MYPN: variants seen among roughly 807,000 people sequenced by gnomAD.
MYPN encodes the protein myopalladin.
A neutral mutation model predicts 129.4 loss-of-function variants in MYPN; 63 were observed. The observed-to-expected ratio is 0.49, with a 90% CI of 0.40 to 0.60. MYPN has a LOEUF of 0.60. MYPN is among the 20% of genes least tolerant of loss of function. The pLI, the probability that MYPN is intolerant of heterozygous loss-of-function variation, is 0.00. For missense variants in MYPN, 1,596 were observed against 1,635.4 expected, an observed-to-expected ratio of 0.98 and a Z score of 0.42; for synonymous variants, 629 against 600.9, an observed-to-expected ratio of 1.05 and a Z score of -0.68.
At chr10:68,122,640 G>A (rs1237498936) in intron 2 of MYPN, among the ~76,000 whole-genome samples, 1 of 152,124 alleles carries the variant, frequency 6.6e-6, no homozygotes, top group East Asian at 1.9e-4. Context: ...AGTGGCTCAC[G>A]CCTGTAATCT....
chr10:68,176,343 A>G (rs1401940139), intron 12 of MYPN, among the ~76,000 whole-genome samples: 2 of 152,196 alleles, frequency 1.3e-5, no homozygotes, highest in African/African-American at 4.8e-5. Flanking sequence ...GGTTATTTTT[A>G]ATGCAGGTTT....
intron 6 of MYPN, among the ~76,000 whole-genome samples, chr10:68,155,701 A>C (rs1398570207): frequency 6.6e-6 from 1 of 152,200 alleles, no homozygotes; most frequent in Non-Finnish European, 1.5e-5. Flanking sequence ...TGGCAATGTG[A>C]GCCAGCTCTT....
At chr10:68,150,840 G>A (rs530961828) in intron 6 of MYPN, among the ~76,000 whole-genome samples, 14 of 152,238 alleles carry the variant, frequency 9.2e-5, no homozygotes, top group Non-Finnish European at 1.6e-4. Flanking sequence ...GTATTATGAG[G>A]ACCAAATAGG....
chr10:68,205,138 C>T (rs1490804915), intron 18 of MYPN, among the ~76,000 whole-genome samples: 2 of 152,088 alleles, frequency 1.3e-5, no homozygotes, highest in Non-Finnish European at 2.9e-5. Flanking sequence ...CGTCTCAGGT[C>T]TTTATACAGT....
chr10:68,167,039 GA>G (rs1353728176), intron 10 of MYPN, among the ~76,000 whole-genome samples: 7 of 149,656 alleles, frequency 4.7e-5, no homozygotes, highest in Non-Finnish European at 1.0e-4. Flanking sequence ...ACTTGTCCAG[GA>G]AAAAAAAAGA....
In MYPN at chr10:68,199,377, T is replaced by G. The variant is rs755550432; in HGVS notation, c.3295T>G (p.Leu1099Val). Residue 1099 changes from leucine (L) to valine (V), a missense_variant, in exon 17 of 20, where the codon TTA (leucine) becomes GTA (valine). Leu to Val is a conservative substitution (Grantham distance 32). Transcript: ENST00000358913. ...LCRLDCKVSG[L>V]PPPELTWLLN... ...TTCTGTTGTTTATTAGGTGAGTGGTTTACCGCCCCCGGAGCTGACATGGCT... is the reference window on the plus strand; with the variant it reads ...TTCTGTTGTTTATTAGGTGAGTGGTGTACCGCCCCCGGAGCTGACATGGCT... 3.7e-6 allele frequency: 6 copies of G among 1,613,946 alleles called. No individual in the cohort carries two copies. In the East Asian group the frequency reaches 1.3e-4, roughly 36 times the overall value.
At position 68,210,774 on chromosome 10, in the gene MYPN, TAG is replaced by T. The variant is rs2043899843; in HGVS notation, c.*320_*321del. ...TGCTCCCTGTTGTGTTAGGGATGTT[TAG>T]GTCATACTAGGAGCAATTAGGAGCC... On this transcript the variant is annotated 3_prime_UTR_variant, in exon 20 of 20. Transcript: ENST00000358913. 2.1e-6 allele frequency: 1 copy of T among 484,866 alleles called. No individual in the cohort carries two copies. The highest frequency in any genetic ancestry group is 1.9e-5 in the African/African-American group (1 of 51,300). The allele number at this position is 484,866 out of a possible 1,614,324, so 30.0% of individuals were successfully genotyped here. A position where few individuals can be genotyped will look rare whatever the true frequency, so the allele number is the denominator to read the frequency against.
chr10:68,199,230 G>T, intron 16 of MYPN, 138 bp from the exon 17 acceptor site: 2 of 799,660 alleles, frequency 2.5e-6, no homozygotes. Context: ...TTCTCTCGAT[G>T]CCCCTACAGA....
At chr10:68,099,526 A>G (rs1403857014) in intron 1 of MYPN, among the ~76,000 whole-genome samples, 1 of 152,002 alleles carries the variant, frequency 6.6e-6, no homozygotes, top group African/African-American at 2.4e-5. Flanking sequence ...TCCCAGCCTC[A>G]TGTCTCAGGA....
intron 1 of MYPN, among the ~76,000 whole-genome samples, chr10:68,115,773 C>A (rs948177058): frequency 3.3e-5 from 5 of 152,296 alleles, no homozygotes; most frequent in South Asian, 4.1e-4. Context: ...TGGCCTTGAA[C>A]CTTTCTGCCC....
At chr10:68,098,170 T>C (rs571091041) in intron 1 of MYPN, among the ~76,000 whole-genome samples, 1 of 152,164 alleles carries the variant, frequency 6.6e-6, no homozygotes, top group South Asian at 2.1e-4. Context: ...CTCTTGAACC[T>C]GGGAGGCGAA....
At chr10:68,123,022 C>T (rs1031501231) in intron 2 of MYPN, among the ~76,000 whole-genome samples, 11 of 151,684 alleles carry the variant, frequency 7.3e-5, no homozygotes, top group Middle Eastern at 3.2e-3. Flanking sequence ...TGAAACTCGG[C>T]GTGAATTCTA....
chr10:68,129,275 T>C lies in MYPN; in HGVS notation c.902+6935T>C, dbSNP rs141796507. 1.9e-3 allele frequency among the ~76,000 whole-genome samples: 290 copies of C among 152,346 alleles called. 6 individuals carry two copies. In the East Asian group the frequency reaches 0.029, roughly 15 times the overall value. The stretch of plus-strand genomic sequence containing the variant: ...TACATTGTTCTAGTCTCTCTATGTA[T>C]GTTTGAAGGTTTTCATAATGAAAAT... On this transcript the variant is annotated intron_variant, in intron 2 of 19. Coordinates refer to ENST00000358913, the MANE Select transcript of MYPN (RefSeq NM_032578.4).
At chr10:68,201,374 T>C (rs565651719) in intron 17 of MYPN, among the ~76,000 whole-genome samples, 8 of 152,330 alleles carry the variant, frequency 5.3e-5, no homozygotes, top group Non-Finnish European at 8.8e-5. Context: ...AGGAGTGTTC[T>C]GACCAGGAGG....
intron 18 of MYPN, among the ~76,000 whole-genome samples, chr10:68,205,728 C>T (rs1237543840): frequency 6.6e-6 from 1 of 151,942 alleles, no homozygotes; most frequent in Non-Finnish European, 1.5e-5. Context: ...ATCTTTACAC[C>T]CTCAGCACCC....
chr10:68,161,782 G>A, intron 8 of MYPN, 30 bp downstream of exon 8: 2 of 1,535,494 alleles, frequency 1.3e-6, no homozygotes, highest in South Asian at 1.1e-5. Context: ...TAATTTATTA[G>A]TATATGAGTG....
At chr10:68,182,843 C>T (rs2043360448) in intron 12 of MYPN, among the ~76,000 whole-genome samples, 1 of 152,102 alleles carries the variant, frequency 6.6e-6, no homozygotes. Context: ...ATTGAGTTCT[C>T]TGTTTTCATG....
Position 68,135,456 on chromosome 10 carries a change from C to T in MYPN, c.903-7484C>T, listed in dbSNP as rs1338829603. 6.1e-6 allele frequency: 6 copies of T among 979,916 alleles called. No individual in the cohort carries two copies. The African/African-American group carries it at 1.1e-4, about 17-fold the overall frequency. 60.7% of individuals were successfully genotyped at this position (979,916 alleles called of 1,614,324 possible). The stretch of plus-strand genomic sequence containing the variant: ...TATTATCTTATTGTCCGATATATTC[C>T]AGTTGCACTCTGTATATGAAGAAGA... On this transcript the variant is annotated intron_variant, in intron 2 of 19. Coordinates refer to ENST00000358913, the MANE Select transcript of MYPN (RefSeq NM_032578.4).
intron 2 of MYPN, among the ~76,000 whole-genome samples, chr10:68,141,304 G>GGTT (rs1256938676): frequency 6.6e-5 from 10 of 151,998 alleles, no homozygotes; most frequent in Non-Finnish European, 4.4e-5. Context: ...GGGGGGCAGA[G>GGTT]GTTGCAGTGA....
Sources: allele counts gnomAD v4.1 joint callset (sites outside exome capture counted in the v4.1 genomes callset), GRCh38; gene constraint gnomAD v4.1.1; transcripts MANE v1.5; gene names NCBI Gene and HGNC (gene_info 2026-07-23, HGNC 2026-07-21).